Variants in DEPDC1B observed in about 807,000 individuals in gnomAD.
The protein encoded by DEPDC1B is DEP domain-containing protein 1B.
In DEPDC1B, 51 loss-of-function variants were observed where a neutral mutation model predicts 66.5. The ratio of observed to expected loss-of-function variants is 0.77; its 90% confidence interval spans 0.61 to 0.97. DEPDC1B has a LOEUF of 0.97. Among genes scored for constraint, DEPDC1B ranks in the 50% least tolerant of loss-of-function variants. DEPDC1B has a pLI of 0.00. For missense variants in DEPDC1B, 552 were observed against 637.1 expected (o/e 0.87, Z 1.44); for synonymous variants, 226 against 223.6 (o/e 1.01, Z -0.10).
At chr5:60,689,177 A>G (rs1408323088) in intron 1 of DEPDC1B, 2 of 402,748 alleles carry the variant, frequency 5.0e-6, no homozygotes, top group East Asian at 1.5e-4. Flanking sequence ...TCCTTCCACT[A>G]CAAGATGCCA....
At chr5:60,648,377 G>A (rs1024032361) in intron 2 of DEPDC1B, among the ~76,000 whole-genome samples, 3 of 152,114 alleles carry the variant, frequency 2.0e-5, no homozygotes, top group Non-Finnish European at 2.9e-5. Flanking sequence ...GTGTCCTGAC[G>A]CTTCTCTAAA....
chr5:60,622,753 T>G (rs2111791624), intron 7 of DEPDC1B, among the ~76,000 whole-genome samples: 1 of 152,348 alleles, frequency 6.6e-6, no homozygotes, highest in Non-Finnish European at 1.5e-5. Flanking sequence ...TATCTCATTG[T>G]GGTTTTAATC....
chr5:60,603,222 A>G (rs1752237005), intron 9 of DEPDC1B, among the ~76,000 whole-genome samples, 169 bp downstream of exon 9: 1 of 152,176 alleles, frequency 6.6e-6, no homozygotes, highest in African/African-American at 2.4e-5. Context: ...AAACTTTTCA[A>G]TGATAATACA....
At chr5:60,617,640 A>C (rs1752592390) in intron 7 of DEPDC1B, among the ~76,000 whole-genome samples, 1 of 152,236 alleles carries the variant, frequency 6.6e-6, no homozygotes, top group Non-Finnish European at 1.5e-5. Flanking sequence ...TCATAAAGCA[A>C]GTCCTTAGAG....
At chr5:60,649,792 T>G (rs926444963) in intron 2 of DEPDC1B, among the ~76,000 whole-genome samples, 19 of 151,966 alleles carry the variant, frequency 1.3e-4, no homozygotes, top group African/African-American at 4.6e-4. Context: ...ACTATAAAAT[T>G]TTATTGAAAG....
At chr5:60,674,226 T>A (rs1038358054) in intron 2 of DEPDC1B, among the ~76,000 whole-genome samples, 1 of 151,946 alleles carries the variant, frequency 6.6e-6, no homozygotes. Context: ...TGACCCCAAA[T>A]GAAGGATCAG....
intron 7 of DEPDC1B, among the ~76,000 whole-genome samples, chr5:60,620,532 T>TG: frequency 1.3e-5 from 2 of 152,144 alleles, no homozygotes; most frequent in South Asian, 4.1e-4. Context: ...AAAAGACACA[T>TG]GAAAAAATGC....
intron 7 of DEPDC1B, among the ~76,000 whole-genome samples, chr5:60,620,970 T>A (rs897805065): frequency 1.3e-5 from 2 of 152,130 alleles, no homozygotes; most frequent in East Asian, 3.9e-4. Context: ...TGAAAAATAA[T>A]GAGTTCATGT....
chr5:60,603,713 T>A, intron 8 of DEPDC1B, 146 bp from the exon 9 acceptor site: 1 of 760,306 alleles, frequency 1.3e-6, no homozygotes, highest in Non-Finnish European at 1.9e-6. Context: ...CTCAGATGGG[T>A]TGACGGTCTC....
chr5:60,647,359 C>T (rs1220770456), intron 3 of DEPDC1B, 39 bp downstream of exon 3: 18 of 1,551,472 alleles, frequency 1.2e-5, no homozygotes, highest in Non-Finnish European at 1.5e-5. Context: ...ATGATTCTCC[C>T]TGCTGCCAGC....
rs139545925 is a variant in DEPDC1B, at chr5:60,645,466, T to G, written c.578+26A>C. 1.2e-4 allele frequency: 193 copies of G among 1,554,720 alleles called. No homozygotes were observed. The African/African-American group carries it at 1.9e-3, about 15-fold the overall frequency. ...AAATAGGAAACAATATCTCTAAAATTTCTCATTAATATCAAATGTACATAC... is the reference window on the plus strand; with the variant it reads ...AAATAGGAAACAATATCTCTAAAATGTCTCATTAATATCAAATGTACATAC... On this transcript the variant is annotated intron_variant, in intron 4 of 10. Coordinates refer to ENST00000265036, the MANE Select transcript of DEPDC1B (RefSeq NM_018369.3).
chr5:60,677,995 T>C (rs748086809), intron 2 of DEPDC1B, among the ~76,000 whole-genome samples: 1 of 152,126 alleles, frequency 6.6e-6, no homozygotes, highest in Non-Finnish European at 1.5e-5. Context: ...AAAGAATTTT[T>C]CCCAGGGCCA....
intron 1 of DEPDC1B, among the ~76,000 whole-genome samples, chr5:60,691,088 G>C (rs1421176555): frequency 6.8e-6 from 1 of 146,768 alleles, no homozygotes; most frequent in East Asian, 2.0e-4. Context: ...GAGTCTCACC[G>C]TATAGTCCAG....
Position 60,645,367 on chromosome 5 carries a change from T to C in DEPDC1B, c.578+125A>G, listed in dbSNP as rs1278447182. ...TTAAACTATGTTTGCTGATCACAAC[T>C]GCAAATAATGCAAAGTTGAGATTTT... On this transcript the variant is annotated intron_variant, in intron 4 of 10. Transcript: ENST00000265036. The C allele has an allele frequency of 3.2e-6, 3 of 951,268 alleles. No individual in the cohort carries two copies. In the East Asian group the frequency reaches 8.7e-5, roughly 28 times the overall value. The allele number at this position is 951,268 out of a possible 1,614,324, so 58.9% of individuals were successfully genotyped here. A position where few individuals can be genotyped will look rare whatever the true frequency, so the allele number is the denominator to read the frequency against.
At chr5:60,625,699 C>G (rs541082138) in intron 7 of DEPDC1B, among the ~76,000 whole-genome samples, 14 of 152,274 alleles carry the variant, frequency 9.2e-5, no homozygotes, top group Admixed American at 4.6e-4. Context: ...CATTCTACCC[C>G]CCTCCTCCTT....
intron 9 of DEPDC1B, among the ~76,000 whole-genome samples, 174 bp downstream of exon 9, chr5:60,603,217 T>C (rs1186289126): frequency 6.6e-6 from 1 of 152,144 alleles, no homozygotes; most frequent in Non-Finnish European, 1.5e-5. Context: ...TCTGTAAACT[T>C]TTCAATGATA....
In DEPDC1B at chr5:60,620,025, A is replaced by T. The variant is rs185746968; in HGVS notation, c.899-14169T>A. On this transcript the variant is annotated intron_variant, in intron 7 of 10. Coordinates refer to ENST00000265036, the MANE Select transcript of DEPDC1B (RefSeq NM_018369.3). ...CCTGATCTTTGACAAACCTGACAAA[A>T]ACAAGAAATGGGGAAATGATTCCCT... is the stretch of plus-strand genomic sequence containing the variant. Among the ~76,000 whole-genome samples, 422 of 152,342 alleles carry T rather than the reference A, an allele frequency of 2.8e-3. 15 individuals carry two copies. The East Asian group carries it at 0.076, about 27-fold the overall frequency.
chr5:60,681,308 C>A (rs555314548), intron 2 of DEPDC1B, among the ~76,000 whole-genome samples: 1 of 152,304 alleles, frequency 6.6e-6, no homozygotes, highest in East Asian at 1.9e-4. Context: ...GCAGGACCAG[C>A]CTGCCTGGCA....
intron 6 of DEPDC1B, among the ~76,000 whole-genome samples, chr5:60,642,535 C>G (rs1422272762): frequency 6.6e-6 from 1 of 152,178 alleles, no homozygotes; most frequent in Non-Finnish European, 1.5e-5. Flanking sequence ...GGTTCTTCTC[C>G]TTCCAAACCA....
Sources: allele counts gnomAD v4.1 joint callset (sites outside exome capture counted in the v4.1 genomes callset), GRCh38; gene constraint gnomAD v4.1.1; transcripts MANE v1.5; gene names NCBI Gene and HGNC (gene_info 2026-07-23, HGNC 2026-07-21).